Variants in MCF2L observed in about 807,000 individuals in gnomAD.
MCF2L encodes the protein MCF.2 cell line derived transforming sequence like, also known as guanine nucleotide exchange factor DBS.
Under a neutral mutation model 153.4 loss-of-function variants are expected in MCF2L, and 97 were observed. The observed-to-expected ratio is 0.63, with a 90% CI of 0.54 to 0.75. The LOEUF (loss-of-function observed/expected upper bound fraction) is 0.75. Among genes scored for constraint, MCF2L ranks in the 30% least tolerant of loss-of-function variants. The probability of loss-of-function intolerance (pLI) is 0.00; values close to 1 mark genes in which losing one functional copy is unlikely to be tolerated. For missense variants in MCF2L, 1,347 were observed against 1,495.2 expected (o/e 0.90, Z 1.64); for synonymous variants, 659 against 632.2 (o/e 1.04, Z -0.64).
intron 1 of MCF2L, among the ~76,000 whole-genome samples, chr13:113,000,104 C>T (rs945327702): frequency 6.6e-6 from 1 of 152,144 alleles, no homozygotes. Context: ...GATGCCGTGG[C>T]CTCCCCCGGG....
chr13:113,094,684 G>A (rs1306577104), intron 27 of MCF2L, 49 bp downstream of exon 27: 1 of 1,575,264 alleles, frequency 6.3e-7, no homozygotes, highest in Non-Finnish European at 8.6e-7. Context: ...TGCCCTCCGG[G>A]GATTAGGGGT....
At chr13:113,044,584 T>A in intron 3 of MCF2L, 1 of 1,541,590 alleles carries the variant, frequency 6.5e-7, no homozygotes, top group Non-Finnish European at 8.7e-7. Flanking sequence ...GCTGCTGGCA[T>A]CACGCAATTG....
chr13:113,084,471 G>T, intron 18 of MCF2L: 1 of 317,482 alleles, frequency 3.1e-6, no homozygotes, highest in South Asian at 5.9e-5. Flanking sequence ...AGGCACCCAG[G>T]AGCAATTGCA....
At position 113,018,513 on chromosome 13, in the gene MCF2L, G is replaced by A. The variant is rs1198929406; in HGVS notation, c.163+3667G>A. 2.6e-5 allele frequency among the ~76,000 whole-genome samples: 4 copies of A among 152,158 alleles called. No homozygotes were observed. In the East Asian group the frequency reaches 5.8e-4, roughly 22 times the overall value. ...GTCATCCGTTTGACTCTTTCTTACT[G>A]AAGGCTGAGGGTTGGGGGGTGCATG... On this transcript the variant is annotated intron_variant, in intron 2 of 29. Transcript: ENST00000535094.
At chr13:112,931,657 T>C (rs1468175270) in intron 2 of MCF2L, among the ~76,000 whole-genome samples, 1 of 152,084 alleles carries the variant, frequency 6.6e-6, no homozygotes, top group Non-Finnish European at 1.5e-5. Flanking sequence ...CAGATCTTGG[T>C]TTCTAATTCC....
At chr13:112,990,806 G>A (rs748608385) in intron 1 of MCF2L, among the ~76,000 whole-genome samples, 6 of 152,246 alleles carry the variant, frequency 3.9e-5, no homozygotes, top group Non-Finnish European at 7.3e-5. Context: ...TGCAGGGAAA[G>A]CAAAGAATCA....
chr13:113,081,423 C>A, intron 16 of MCF2L, 144 bp downstream of exon 16: 1 of 775,766 alleles, frequency 1.3e-6, no homozygotes. Context: ...CTGGTCGGGC[C>A]CCAGACGGGG....
At chr13:112,945,580 C>A (rs2081628890) in intron 2 of MCF2L, among the ~76,000 whole-genome samples, 1 of 152,222 alleles carries the variant, frequency 6.6e-6, no homozygotes, top group South Asian at 2.1e-4. Context: ...CACCATTCTT[C>A]TGGGATGCCT....
At position 113,099,097 on chromosome 13, in the gene MCF2L, A is replaced by G. The variant is rs191923014; in HGVS notation, c.*2238A>G. On this transcript the variant is annotated 3_prime_UTR_variant, in exon 30 of 30. Transcript: ENST00000535094. ...AAAGAAGACAGAACAGACAAACACC[A>G]TAAGAAAGCTGGTGTAGCAGTATCG... The G allele has an allele frequency of 2.4e-4, 37 of 152,380 alleles. No homozygotes were observed. The highest frequency in any genetic ancestry group is 8.7e-4 in the African/African-American group (36 of 41,590). 9.4% of individuals were successfully genotyped at this position (152,380 alleles called of 1,614,324 possible). A position where few individuals can be genotyped will look rare whatever the true frequency, so the allele number is the denominator to read the frequency against.
At chr13:113,041,508 AT>A (rs1354885463) in intron 3 of MCF2L, among the ~76,000 whole-genome samples, 1 of 140,610 alleles carries the variant, frequency 7.1e-6, no homozygotes, top group African/African-American at 3.2e-5. Context: ...CCCTGCCCCC[AT>A]GACCACAGTC....
In MCF2L at chr13:113,074,935, C is replaced by A; in HGVS notation, c.1117-63C>A. Reference sequence around the variant, plus strand: ...GCCCCGGGACACACATCCCGTACAGCAAGGCACTGTGTGCCTCGAACAGAA... The same window carrying A: ...GCCCCGGGACACACATCCCGTACAGAAAGGCACTGTGTGCCTCGAACAGAA... On this transcript the variant is annotated intron_variant, in intron 10 of 29. Coordinates refer to ENST00000535094, the MANE Select transcript of MCF2L (RefSeq NM_001112732.3). The surrounding 1 kb of genome is among the most constrained non-coding windows in gnomAD (Gnocchi z 4.2). 1 of 1,439,052 alleles carries A rather than the reference C, an allele frequency of 6.9e-7. No individual in the cohort carries two copies. The highest frequency in any genetic ancestry group is 9.5e-7 in the Non-Finnish European group (1 of 1,053,216). The allele number at this position is 1,439,052 out of a possible 1,614,324, so 89.1% of individuals were successfully genotyped here.
At chr13:113,003,399 G>A (rs2083494153) in intron 1 of MCF2L, among the ~76,000 whole-genome samples, 1 of 151,692 alleles carries the variant, frequency 6.6e-6, no homozygotes, top group Non-Finnish European at 1.5e-5. Context: ...TATGGGGTTG[G>A]CTGTGGAGCA....
At chr13:113,096,117 G>A (rs1386859304) in intron 27 of MCF2L, 4 of 576,898 alleles carry the variant, frequency 6.9e-6, no homozygotes, top group African/African-American at 5.8e-5. Flanking sequence ...CGAGAGCTGT[G>A]TGTGGAGACC....
chr13:113,004,174 T>C (rs889376436), intron 1 of MCF2L, among the ~76,000 whole-genome samples: 3 of 152,042 alleles, frequency 2.0e-5, no homozygotes, highest in Non-Finnish European at 2.9e-5. Flanking sequence ...GGCATGACCC[T>C]CCGGGGCACA....
chr13:112,991,676 G>T (rs1455987591), intron 1 of MCF2L, among the ~76,000 whole-genome samples: 1 of 152,174 alleles, frequency 6.6e-6, no homozygotes, highest in Non-Finnish European at 1.5e-5. Context: ...AGTGTATTTG[G>T]CGTTTGCTGT....
At chr13:113,059,049 A>C (rs1452955885) in intron 4 of MCF2L, among the ~76,000 whole-genome samples, 2 of 150,886 alleles carry the variant, frequency 1.3e-5, no homozygotes, top group African/African-American at 4.9e-5. Flanking sequence ...CAGACTTGTC[A>C]AGGTCTTGCT....
chr13:112,982,652 G>T (rs576338769), intron 1 of MCF2L, among the ~76,000 whole-genome samples: 1 of 152,196 alleles, frequency 6.6e-6, no homozygotes, highest in Non-Finnish European at 1.5e-5. Context: ...GCTGTGGGAG[G>T]GGGGAGACGT....
At position 113,045,409 on chromosome 13, in the gene MCF2L, T is replaced by C. The variant is rs368445296; in HGVS notation, c.369+48T>C. 112 of 1,428,814 alleles carry C rather than the reference T, an allele frequency of 7.8e-5. 1 individual carries two copies. In the Middle Eastern group the frequency reaches 8.8e-4, roughly 11 times the overall value. The allele number at this position is 1,428,814 out of a possible 1,614,324, so 88.5% of individuals were successfully genotyped here. ...CCCTGCGCCCGGCCCCTCCCTGGGC[T>C]GCATGACCGCATGGTGCCCTTCCTC... On this transcript the variant is annotated intron_variant, in intron 4 of 29. Coordinates refer to ENST00000535094, the MANE Select transcript of MCF2L (RefSeq NM_001112732.3). The surrounding 1 kb of genome is among the most constrained non-coding windows in gnomAD (Gnocchi z 4.2).
intron 3 of MCF2L, among the ~76,000 whole-genome samples, chr13:113,041,467 G>A (rs143076525): frequency 0.012 from 1,725 of 138,682 alleles, 27 homozygotes; most frequent in African/African-American, 0.051. Context: ...CCCTGCCCCC[G>A]TGACCACAGT....
Sources: gnomAD v4.1 joint callset for allele counts (sites outside exome capture counted in the v4.1 genomes callset) on GRCh38, gnomAD v4.1.1 for gene constraint, Gnocchi (gnomAD v3.1) non-coding constraint, MANE v1.5 for transcripts, NCBI Gene and HGNC (gene_info 2026-07-23, HGNC 2026-07-21) for gene names.